GLDC: variants seen among roughly 807,000 people sequenced by gnomAD.
The protein encoded by GLDC is glycine dehydrogenase (decarboxylating), mitochondrial.
In GLDC, 104 loss-of-function variants were observed where a neutral mutation model predicts 121.3. That is an observed-to-expected ratio of 0.86 (90% CI 0.73 to 1.01). The LOEUF (loss-of-function observed/expected upper bound fraction) is 1.01, where lower values mean the gene tolerates loss of function less well. Among genes scored for constraint, GLDC ranks in the 50% least tolerant of loss-of-function variants. GLDC has a pLI of 0.00. For missense variants in GLDC, 1,429 were observed against 1,306.6 expected, an observed-to-expected ratio of 1.09 and a Z score of -1.44; for synonymous variants, 546 against 480.6, an observed-to-expected ratio of 1.14 and a Z score of -1.78.
In GLDC at chr9:6,533,155, G is replaced by A. The variant is rs1052505781; in HGVS notation, c.2925C>T (p.Phe975=). The change falls in exon 25 of 25, where the codon TTC becomes TTT. Residue 975 remains phenylalanine (F), a synonymous_variant. Transcript: ENST00000321612. Reference sequence around the variant, plus strand: ...GCCAGAATTTGTTCTCTGGTTTCACGAAGGGCTGCAAAGGACAAAAGATGG... The same window carrying A: ...GCCAGAATTTGTTCTCTGGTTTCACAAAGGGCTGCAAAGGACAAAAGATGG... ...SREVAAFPLP[F]VKPENKFWPT... is the part of the protein sequence containing the mutation. The A allele has an allele frequency of 8.7e-6, 14 of 1,613,432 alleles. No individual in the cohort carries two copies. Among genetic ancestry groups the A allele is most frequent in the Admixed American group, 3.3e-5 (2 of 59,990 alleles).
intron 21 of GLDC, chr9:6,542,222 G>A (rs543756561): frequency 1.3e-5 from 2 of 152,396 alleles, no homozygotes; most frequent in Non-Finnish European, 2.9e-5. Flanking sequence ...CCTGGTGACA[G>A]AGCAAGACTC....
intron 21 of GLDC, among the ~76,000 whole-genome samples, chr9:6,548,025 G>T (rs1408044724): frequency 6.6e-6 from 1 of 151,946 alleles, no homozygotes; most frequent in East Asian, 1.9e-4. Context: ...TGTGTTCCCA[G>T]CTACTTGGGA....
Position 6,550,318 on chromosome 9 carries a change from C to T in GLDC, c.2569+485G>A, listed in dbSNP as rs142752773. ...GAGAAACCTGCATATAGTAATGCCC[C>T]TAAACAGTTAACTAAAGTGGTGTTA... On this transcript the variant is annotated intron_variant, in intron 21 of 24. Transcript: ENST00000321612. 4.0e-4 allele frequency among the ~76,000 whole-genome samples: 61 copies of T among 152,266 alleles called. 1 individual carries two copies. Among genetic ancestry groups the T allele is most frequent in the Admixed American group, 1.3e-3 (20 of 15,282 alleles).
intron 16 of GLDC, among the ~76,000 whole-genome samples, chr9:6,564,743 G>C (rs1817821301): frequency 6.6e-6 from 1 of 152,172 alleles, no homozygotes; most frequent in South Asian, 2.1e-4. Flanking sequence ...GGGAGCGAGT[G>C]GTGTCCATTA....
chr9:6,620,679 T>G (rs1034688170), intron 2 of GLDC, among the ~76,000 whole-genome samples: 1 of 152,164 alleles, frequency 6.6e-6, no homozygotes, highest in African/African-American at 2.4e-5. Context: ...TTACTCCCAG[T>G]AAAATACTGT....
chr9:6,560,954 G>A (rs1038240097), intron 16 of GLDC, among the ~76,000 whole-genome samples: 1 of 152,168 alleles, frequency 6.6e-6, no homozygotes, highest in Non-Finnish European at 1.5e-5. Context: ...CAGAGGGAGC[G>A]GGAGATGTGC....
intron 2 of GLDC, among the ~76,000 whole-genome samples, chr9:6,629,957 A>ATATATATATGTATACATATATATATATAT: frequency 1.2e-5 from 1 of 83,102 alleles, no homozygotes; most frequent in African/African-American, 6.9e-5. Context: ...ATATATATAT[A>ATATATATATGTATACATATATATATATAT]TTTTTTTTTT....
chr9:6,640,136 T>G (rs372856143), intron 2 of GLDC, among the ~76,000 whole-genome samples: 1 of 152,262 alleles, frequency 6.6e-6, no homozygotes, highest in Non-Finnish European at 1.5e-5. Flanking sequence ...TCCTCTCCTC[T>G]GCCAATATGC....
chr9:6,598,732 G>C (rs1379113770), intron 8 of GLDC, among the ~76,000 whole-genome samples: 2 of 152,234 alleles, frequency 1.3e-5, no homozygotes, highest in African/African-American at 2.4e-5. Flanking sequence ...TGAAGAGTTA[G>C]AAGATCATCA....
intron 15 of GLDC, among the ~76,000 whole-genome samples, chr9:6,571,959 G>A (rs980098891): frequency 9.9e-5 from 15 of 152,104 alleles, no homozygotes; most frequent in East Asian, 3.8e-4. Flanking sequence ...AGGAAAGATC[G>A]CCTTTTCAAT....
intron 2 of GLDC, chr9:6,639,660 A>G: frequency 4.4e-6 from 1 of 227,944 alleles, no homozygotes; most frequent in Non-Finnish European, 6.8e-6. Flanking sequence ...TTTTCACCAT[A>G]AAAAAAAAGT....
In GLDC at chr9:6,610,184, C is replaced by G. The variant is rs760774268; in HGVS notation, c.635+8G>C. 1.7e-5 allele frequency: 27 copies of G among 1,604,484 alleles called. No homozygotes were observed. Among genetic ancestry groups the G allele is most frequent in the Non-Finnish European group, 2.3e-5 (27 of 1,174,974 alleles). On this transcript the variant is annotated splice_region_variant and intron_variant, in intron 4 of 24. Coordinates refer to ENST00000321612, the MANE Select transcript of GLDC (RefSeq NM_000170.3). ...ACTGGAATTCCAGCACTTTGAGAGG[C>G]CTCTCACCTGTAGCACAGCTGCAGT... is the stretch of plus-strand genomic sequence containing the variant.
intron 2 of GLDC, chr9:6,622,824 T>C (rs1397995511): frequency 4.4e-5 from 10 of 225,378 alleles, no homozygotes; most frequent in South Asian, 2.7e-4. Flanking sequence ...CGCCATCCCA[T>C]CTAGGAAGTG....
chr9:6,631,287 C>G (rs1587980392), intron 2 of GLDC, among the ~76,000 whole-genome samples: 1 of 152,204 alleles, frequency 6.6e-6, no homozygotes, highest in Non-Finnish European at 1.5e-5. Context: ...CGTGTCCCAT[C>G]TATGTTTCTG....
chr9:6,607,022 C>T lies in GLDC; in HGVS notation c.636-353G>A, dbSNP rs111557682. Reference sequence around the variant, plus strand: ...AGGTTGCAGTGAGCCAAGATTGCACCGCTGCTGCACTCCATCCTGCGTAAG... The same window carrying T: ...AGGTTGCAGTGAGCCAAGATTGCACTGCTGCTGCACTCCATCCTGCGTAAG... On this transcript the variant is annotated intron_variant, in intron 4 of 24. Transcript: ENST00000321612. Among the ~76,000 whole-genome samples the T allele has an allele frequency of 2.2e-3, 336 of 151,722 alleles. 1 individual carries two copies. The highest frequency in any genetic ancestry group is 7.6e-3 in the African/African-American group (314 of 41,374).
chr9:6,613,109 G>A (rs1818895441), intron 3 of GLDC, among the ~76,000 whole-genome samples: 1 of 152,106 alleles, frequency 6.6e-6, no homozygotes, highest in Admixed American at 6.5e-5. Flanking sequence ...TGTTCCAAAT[G>A]TTAAAGAAAC....
At chr9:6,542,230 C>T (rs1587913578) in intron 21 of GLDC, 1 of 152,232 alleles carries the variant, frequency 6.6e-6, no homozygotes, top group East Asian at 1.9e-4. Context: ...CAGAGCAAGA[C>T]TCTGTCTCAA....
In GLDC at chr9:6,546,949, G is replaced by C. The variant is rs186443559; in HGVS notation, c.2569+3854C>G. ...TGCACTCCCACCTGGGTGACCAAGC[G>C]AGACTCTGTCTCAAAAATAATAATA... On this transcript the variant is annotated intron_variant, in intron 21 of 24. Transcript: ENST00000321612. Among the ~76,000 whole-genome samples the C allele has an allele frequency of 2.4e-4, 36 of 152,040 alleles. No individual in the cohort carries two copies. In the East Asian group the frequency reaches 4.8e-3, roughly 20 times the overall value.
intron 15 of GLDC, among the ~76,000 whole-genome samples, chr9:6,572,941 G>A (rs1360196625): frequency 6.6e-6 from 1 of 152,070 alleles, no homozygotes; most frequent in Non-Finnish European, 1.5e-5. Flanking sequence ...TCACAAACAG[G>A]TATTTCCTGC....
Sources: allele counts gnomAD v4.1 joint callset (sites outside exome capture counted in the v4.1 genomes callset), GRCh38; gene constraint gnomAD v4.1.1; transcripts MANE v1.5; gene names NCBI Gene and HGNC (gene_info 2026-07-23, HGNC 2026-07-21).